Variants in ADGRF3 observed in about 807,000 individuals in gnomAD.
The protein encoded by ADGRF3 is adhesion G protein-coupled receptor F3.
ADGRF3 carries 85 observed loss-of-function variants against 93.2 expected under a neutral mutation model. The ratio of observed to expected loss-of-function variants is 0.91; its 90% CI spans 0.77 to 1.09. ADGRF3 has a LOEUF of 1.09. Among genes scored for constraint, ADGRF3 ranks in the 50% least tolerant of loss-of-function variants. ADGRF3 has a pLI of 0.00. For missense variants in ADGRF3, 1,125 were observed against 1,246.2 expected (o/e 0.90, Z 1.46); for synonymous variants, 534 against 532.5 (o/e 1.00, Z -0.04).
chr2:26,328,454 G>GTTT (rs35836521), intron 1 of ADGRF3, among the ~76,000 whole-genome samples: 35 of 132,056 alleles, frequency 2.7e-4, no homozygotes, highest in Non-Finnish European at 3.6e-4. Context: ...GGCCTTTTTA[G>GTTT]TTTTTTTTTT....
intron 3 of ADGRF3, 52 bp downstream of exon 3, chr2:26,316,860 C>G: frequency 6.5e-7 from 1 of 1,541,890 alleles, no homozygotes. Context: ...CTGCAGGAGG[C>G]CCGGGAGCCT....
At chr2:26,345,172 GTGT>G (rs1318659807) in intron 1 of ADGRF3, among the ~76,000 whole-genome samples, 1 of 152,168 alleles carries the variant, frequency 6.6e-6, no homozygotes, top group African/African-American at 2.4e-5. Flanking sequence ...TTTCACTTCA[GTGT>G]TGTTATGGGG....
At chr2:26,343,550 C>T (rs1431910279) in intron 1 of ADGRF3, among the ~76,000 whole-genome samples, 1 of 152,136 alleles carries the variant, frequency 6.6e-6, no homozygotes, top group Non-Finnish European at 1.5e-5. Flanking sequence ...CACCATTCTC[C>T]TGCCTCAGCC....
Position 26,313,895 on chromosome 2 carries a change from A to G in ADGRF3, c.937T>C (p.Phe313Leu). The change falls in exon 7 of 14, where the codon TTC (phenylalanine) becomes CTC (leucine). Residue 313 changes from phenylalanine to leucine, a missense_variant. Coordinates refer to ENST00000651242, the MANE Select transcript of ADGRF3 (RefSeq NM_001321971.2). ...AAGCACTGAGAGCCTGACTCGTTGA[A>G]GGAGGAAGCTGAAGGCAAAACGAAG... ...SPGEGSKASS[F>L]NESGSQCFVL... 3 of 1,614,026 alleles carry G rather than the reference A, an allele frequency of 1.9e-6. No individual in the cohort carries two copies. The highest frequency in any genetic ancestry group is 2.5e-6 in the Non-Finnish European group (3 of 1,179,906).
chr2:26,313,210 C>G, intron 8 of ADGRF3, 88 bp from the exon 9 acceptor site: 1 of 1,519,026 alleles, frequency 6.6e-7, no homozygotes, highest in South Asian at 1.2e-5. Context: ...ATTGTTGACC[C>G]CCAGAAGCCC....
chr2:26,318,780 G>A lies in ADGRF3; in HGVS notation c.115-1218C>T. ...AAACAAGAGCTATCCCCCACACCCA[G>A]GAAAGTAAAACTGAGTTCTCAGAGA... On this transcript the variant is annotated intron_variant, in intron 1 of 13. Coordinates refer to ENST00000651242, the MANE Select transcript of ADGRF3 (RefSeq NM_001321971.2). 12 of 978,376 alleles carry A rather than the reference G, an allele frequency of 1.2e-5. No homozygotes were observed. The South Asian group carries it at 1.4e-4, about 11-fold the overall frequency. The allele number at this position is 978,376 out of a possible 1,614,324, so 60.6% of individuals were successfully genotyped here.
At chr2:26,318,824 A>G (rs1454936581) in intron 1 of ADGRF3, 2 of 1,380,564 alleles carry the variant, frequency 1.4e-6, no homozygotes, top group African/African-American at 1.4e-5. Context: ...CAAAGCATCC[A>G]CTTTCCTTAC....
chr2:26,309,921 T>TA (rs1553326795), intron 12 of ADGRF3, 122 bp downstream of exon 12: 1 of 1,600,974 alleles, frequency 6.2e-7, no homozygotes, highest in Admixed American at 1.7e-5. Context: ...CTGTTCATTC[T>TA]AAAAAACAAC....
chr2:26,323,115 G>T (rs1675248701), intron 1 of ADGRF3, among the ~76,000 whole-genome samples: 1 of 152,038 alleles, frequency 6.6e-6, no homozygotes, highest in South Asian at 2.1e-4. Flanking sequence ...CTCCAGCCTG[G>T]GCAACAGAGT....
Position 26,309,015 on chromosome 2 carries a change from G to GC in ADGRF3, c.*70dup. On this transcript the variant is annotated 3_prime_UTR_variant, in exon 14 of 14. Coordinates refer to ENST00000651242, the MANE Select transcript of ADGRF3 (RefSeq NM_001321971.2). ...AGGCGGGAAGAGTTCAGAGCATTGG[G>GC]CCAGGGCTCATCTGGTGGGTTCAAG... 6.2e-7 allele frequency: 1 copy of GC among 1,608,470 alleles called. No individual in the cohort carries two copies. Among genetic ancestry groups the GC allele is most frequent in the Non-Finnish European group, 8.5e-7 (1 of 1,175,118 alleles).
At position 26,309,041 on chromosome 2, in the gene ADGRF3, C is replaced by A; in HGVS notation, c.*45G>T. 1 of 1,613,900 alleles carries A rather than the reference C, an allele frequency of 6.2e-7. No homozygotes were observed. Among genetic ancestry groups the A allele is most frequent in the Non-Finnish European group, 8.5e-7 (1 of 1,179,850 alleles). ...CCAGGGCTCATCTGGTGGGTTCAAG[C>A]ACACAGCCTCAACTCCCTTGCAGGA... On this transcript the variant is annotated 3_prime_UTR_variant, in exon 14 of 14. Coordinates refer to ENST00000651242, the MANE Select transcript of ADGRF3 (RefSeq NM_001321971.2).
chr2:26,309,036 T>C lies in ADGRF3; in HGVS notation c.*50A>G. Reference sequence around the variant, plus strand: ...TTGGGCCAGGGCTCATCTGGTGGGTTCAAGCACACAGCCTCAACTCCCTTG... The same window carrying C: ...TTGGGCCAGGGCTCATCTGGTGGGTCCAAGCACACAGCCTCAACTCCCTTG... On this transcript the variant is annotated 3_prime_UTR_variant, in exon 14 of 14. Transcript: ENST00000651242. The C allele has an allele frequency of 4.3e-6, 7 of 1,613,844 alleles. No homozygotes were observed. Among genetic ancestry groups the C allele is most frequent in the Non-Finnish European group, 5.9e-6 (7 of 1,179,812 alleles).
intron 1 of ADGRF3, among the ~76,000 whole-genome samples, chr2:26,332,752 T>C (rs1024629757): frequency 6.7e-6 from 1 of 150,038 alleles, no homozygotes; most frequent in Non-Finnish European, 1.5e-5. Flanking sequence ...AAAATATATA[T>C]ACAAAGTTAT....
intron 1 of ADGRF3, among the ~76,000 whole-genome samples, chr2:26,342,363 C>A (rs1372351056): frequency 6.6e-6 from 1 of 151,932 alleles, no homozygotes; most frequent in African/African-American, 2.4e-5. Flanking sequence ...AAATCAATAC[C>A]TTTTTACAAA....
chr2:26,308,985 C>CT lies in ADGRF3; in HGVS notation c.*100_*101insA. The CT allele has an allele frequency of 7.2e-6, 11 of 1,530,746 alleles. No homozygotes were observed. The South Asian group carries it at 1.0e-4, about 14-fold the overall frequency. The allele number at this position is 1,530,746 out of a possible 1,614,324, so 94.8% of individuals were successfully genotyped here. A position where few individuals can be genotyped will look rare whatever the true frequency, so the allele number is the denominator to read the frequency against. Reference sequence around the variant, plus strand: ...GCCTGCCTTTCTCAAGGGCTGAGCTCCGGGAGGCGGGAAGAGTTCAGAGCA... The same window carrying CT: ...GCCTGCCTTTCTCAAGGGCTGAGCTCTCGGGAGGCGGGAAGAGTTCAGAGCA... On this transcript the variant is annotated 3_prime_UTR_variant, in exon 14 of 14. Coordinates refer to ENST00000651242, the MANE Select transcript of ADGRF3 (RefSeq NM_001321971.2).
At chr2:26,332,445 G>T (rs755564099) in intron 1 of ADGRF3, among the ~76,000 whole-genome samples, 5 of 152,134 alleles carry the variant, frequency 3.3e-5, no homozygotes, top group Non-Finnish European at 5.9e-5. Flanking sequence ...AAAAAGTGAT[G>T]AATACAAAAT....
intron 1 of ADGRF3, among the ~76,000 whole-genome samples, chr2:26,332,955 T>C (rs561503012): frequency 3.9e-5 from 6 of 152,176 alleles, no homozygotes; most frequent in African/African-American, 1.4e-4. Flanking sequence ...AAATTTTGTA[T>C]TATAACTGTA....
At chr2:26,323,519 C>T (rs995065672) in intron 1 of ADGRF3, among the ~76,000 whole-genome samples, 1 of 152,084 alleles carries the variant, frequency 6.6e-6, no homozygotes, top group African/African-American at 2.4e-5. Context: ...TCAGGCTGGC[C>T]TCAAAGTCCT....
chr2:26,328,825 A>G lies in ADGRF3; in HGVS notation c.115-11263T>C, dbSNP rs1675599301. Among the ~76,000 whole-genome samples the G allele has an allele frequency of 2.0e-5, 3 of 152,152 alleles. No individual in the cohort carries two copies. In the South Asian group the frequency reaches 6.2e-4, roughly 32 times the overall value. ...TCAATCTTTTTTCTCTGGTTTTCAGATTGGATCATTTCTATTGATCTATCT... is the reference window on the plus strand; with the variant it reads ...TCAATCTTTTTTCTCTGGTTTTCAGGTTGGATCATTTCTATTGATCTATCT... On this transcript the variant is annotated intron_variant, in intron 1 of 13. Coordinates refer to ENST00000651242, the MANE Select transcript of ADGRF3 (RefSeq NM_001321971.2).
Sources: gnomAD v4.1 joint callset for allele counts (sites outside exome capture counted in the v4.1 genomes callset) on GRCh38, gnomAD v4.1.1 for gene constraint, MANE v1.5 for transcripts, NCBI Gene and HGNC (gene_info 2026-07-23, HGNC 2026-07-21) for gene names.